Variants in ROBO2 observed in about 807,000 individuals in gnomAD.
ROBO2 encodes the protein roundabout guidance receptor 2.
In ROBO2, 53 loss-of-function variants were observed where a neutral mutation model predicts 160.8. The ratio of observed to expected loss-of-function variants is 0.33; its 90% CI spans 0.26 to 0.41. The LOEUF is 0.41. Ranked by LOEUF, ROBO2 falls within the 10% of genes least tolerant of loss-of-function variation. ROBO2 has a pLI of 1.00. For synonymous variants in ROBO2, 664 were observed against 611.7 expected (o/e 1.09, Z -1.26); for missense variants, 1,577 against 1,722.4 (o/e 0.92, Z 1.49).
intron 2 of ROBO2, among the ~76,000 whole-genome samples, chr3:76,185,215 T>TATATATATATATATATATATACACAC: frequency 4.2e-4 from 38 of 90,276 alleles, no homozygotes; most frequent in East Asian, 5.4e-4. Flanking sequence ...TATATATATA[T>TATATATATATATATATATATACACAC]ACACACACAA....
intron 2 of ROBO2, among the ~76,000 whole-genome samples, chr3:76,073,029 T>A (rs2068514016): frequency 6.6e-6 from 1 of 152,100 alleles, no homozygotes; most frequent in African/African-American, 2.4e-5. Context: ...TTTATTTTGT[T>A]TTATTTTATT....
At chr3:76,778,770 C>T (rs955389359) in intron 2 of ROBO2, among the ~76,000 whole-genome samples, 1 of 151,088 alleles carries the variant, frequency 6.6e-6, no homozygotes, top group African/African-American at 2.4e-5. Context: ...CCTCCAATAT[C>T]ACAGTTCAAT....
Position 75,976,835 on chromosome 3 carries a change from C to T in ROBO2, c.109+39233C>T, listed in dbSNP as rs187176546. Among the ~76,000 whole-genome samples, 5 of 151,482 alleles carry T rather than the reference C, an allele frequency of 3.3e-5. No homozygotes were observed. The East Asian group carries it at 7.9e-4, about 24-fold the overall frequency. ...AATCCACTTATGAATGGCACAAACA[C>T]GTTTCTTTGCCACATGTCTGTGGAA... On this transcript the variant is annotated intron_variant, in intron 2 of 26. Transcript: ENST00000487694.
chr3:76,450,551 A>C (rs1391765139), intron 2 of ROBO2, among the ~76,000 whole-genome samples: 2 of 152,174 alleles, frequency 1.3e-5, no homozygotes, highest in African/African-American at 2.4e-5. Context: ...CCTGCACTCA[A>C]GTGATGCTCC....
chr3:77,361,072 G>A (rs531949718), intron 2 of ROBO2, among the ~76,000 whole-genome samples: 1 of 152,172 alleles, frequency 6.6e-6, no homozygotes, highest in African/African-American at 2.4e-5. Flanking sequence ...TTTTATCAAT[G>A]TTTATGCTCA....
chr3:77,181,829 T>C (rs946552197), intron 2 of ROBO2, among the ~76,000 whole-genome samples: 1 of 152,114 alleles, frequency 6.6e-6, no homozygotes, highest in African/African-American at 2.4e-5. Context: ...AAGTCTCATA[T>C]CAATTACGTA....
chr3:77,560,606 A>C (rs2093289860), intron 9 of ROBO2, among the ~76,000 whole-genome samples: 1 of 152,012 alleles, frequency 6.6e-6, no homozygotes, highest in Non-Finnish European at 1.5e-5. Flanking sequence ...TCAGTACTTA[A>C]TGCAAGGGAA....
chr3:76,392,586 C>A (rs1050555233), intron 2 of ROBO2, among the ~76,000 whole-genome samples: 3 of 151,964 alleles, frequency 2.0e-5, no homozygotes, highest in African/African-American at 7.3e-5. Context: ...TGCATTTTCC[C>A]GCAAAATGAT....
At position 76,181,803 on chromosome 3, in the gene ROBO2, G is replaced by T. The variant is rs569706613; in HGVS notation, c.109+244201G>T. On this transcript the variant is annotated intron_variant, in intron 2 of 26. Transcript: ENST00000487694. The stretch of plus-strand genomic sequence containing the variant: ...GACCTTTTATGTCCTAAAAAAAAAG[G>T]ATATAGAAAAGGATGATATCATCTG... Among the ~76,000 whole-genome samples the T allele has an allele frequency of 4.0e-3, 575 of 143,674 alleles. 2 individuals carry two copies. The highest frequency in any genetic ancestry group is 0.014 in the African/African-American group (553 of 40,902). The allele number at this position is 143,674 out of a possible 152,430, so 94.3% of individuals were successfully genotyped here. A position where few individuals can be genotyped will look rare whatever the true frequency, so the allele number is the denominator to read the frequency against.
intron 2 of ROBO2, among the ~76,000 whole-genome samples, chr3:77,445,784 G>GTTT (rs66551785): frequency 1.9e-5 from 2 of 107,740 alleles, no homozygotes; most frequent in African/African-American, 6.3e-5. Context: ...CAATTAAAAG[G>GTTT]TTTTTTTTTG....
intron 2 of ROBO2, among the ~76,000 whole-genome samples, chr3:77,034,783 A>G (rs180741722): frequency 6.6e-6 from 1 of 152,078 alleles, no homozygotes; most frequent in Admixed American, 6.5e-5. Context: ...AAATTTTTCT[A>G]TTAGGATTAC....
chr3:76,296,569 C>G (rs958967119), intron 2 of ROBO2, among the ~76,000 whole-genome samples: 2 of 152,096 alleles, frequency 1.3e-5, no homozygotes, highest in African/African-American at 2.4e-5. Flanking sequence ...CTCCCTATGG[C>G]ATTTATTTAT....
At chr3:77,323,658 G>A (rs955702073) in intron 2 of ROBO2, among the ~76,000 whole-genome samples, 12 of 151,996 alleles carry the variant, frequency 7.9e-5, no homozygotes, top group African/African-American at 2.2e-4. Flanking sequence ...AGATAAATGG[G>A]CAATGTTATT....
intron 2 of ROBO2, among the ~76,000 whole-genome samples, chr3:76,929,761 T>C (rs527985021): frequency 6.6e-6 from 1 of 152,114 alleles, no homozygotes; most frequent in East Asian, 1.9e-4. Context: ...TGTCTGTGGG[T>C]CTCAGGGAAG....
intron 1 of ROBO2, among the ~76,000 whole-genome samples, chr3:75,918,125 T>C (rs1946886447): frequency 1.3e-5 from 2 of 152,202 alleles, no homozygotes; most frequent in South Asian, 4.1e-4. Context: ...GTGTCCTGAA[T>C]CGTATTGCCT....
chr3:76,752,763 T>G (rs1385357222), intron 2 of ROBO2, among the ~76,000 whole-genome samples: 2 of 151,914 alleles, frequency 1.3e-5, no homozygotes, highest in African/African-American at 2.4e-5. Flanking sequence ...ATTAAAGAGT[T>G]GAATATGCTA....
intron 7 of ROBO2, among the ~76,000 whole-genome samples, chr3:77,549,382 C>T (rs2092828114): frequency 6.6e-6 from 1 of 151,854 alleles, no homozygotes; most frequent in African/African-American, 2.4e-5. Flanking sequence ...TCTTTTAGCT[C>T]GTTTATTTTG....
intron 2 of ROBO2, among the ~76,000 whole-genome samples, chr3:77,006,475 T>C (rs1256429101): frequency 6.6e-6 from 1 of 151,920 alleles, no homozygotes; most frequent in Non-Finnish European, 1.5e-5. Context: ...AAAGTTACTT[T>C]AGAAATATAT....
intron 2 of ROBO2, among the ~76,000 whole-genome samples, chr3:77,274,152 A>T (rs918948796): frequency 5.3e-5 from 8 of 152,174 alleles, no homozygotes; most frequent in African/African-American, 1.9e-4. Flanking sequence ...AAAACTAAAC[A>T]CTTTTTTCCC....
Sources: allele counts gnomAD v4.1 joint callset (sites outside exome capture counted in the v4.1 genomes callset), GRCh38; gene constraint gnomAD v4.1.1; transcripts MANE v1.5; gene names NCBI Gene and HGNC (gene_info 2026-07-23, HGNC 2026-07-21).